The following NTRK2 variants were observed in gnomAD, a reference collection of about 807,000 sequenced individuals.
The protein encoded by NTRK2 is neurotrophic receptor tyrosine kinase 2, also known as BDNF/NT-3 growth factors receptor.
In NTRK2, 13 loss-of-function variants were observed where a neutral mutation model predicts 94.5. That is an observed-to-expected ratio of 0.14 (90% confidence interval 0.09 to 0.22). NTRK2 has a LOEUF of 0.22. Ranked by LOEUF, NTRK2 falls within the 10% of genes least tolerant of loss-of-function variation. The probability of loss-of-function intolerance (pLI) is 1.00; values close to 1 mark genes in which losing one functional copy is unlikely to be tolerated. For synonymous variants in NTRK2, 372 were observed against 407.4 expected (o/e 0.91, Z 1.05); for missense variants, 639 against 1,071.2 (o/e 0.60, Z 5.63).
At chr9:84,923,437 C>A (rs997031342) in intron 14 of NTRK2, among the ~76,000 whole-genome samples, 2 of 152,168 alleles carry the variant, frequency 1.3e-5, no homozygotes, top group Non-Finnish European at 2.9e-5. Flanking sequence ...AGAGAAGATA[C>A]TCCATATGTT....
intron 14 of NTRK2, among the ~76,000 whole-genome samples, chr9:84,870,361 ATAT>A (rs1313443498): frequency 1.5e-5 from 2 of 132,158 alleles, no homozygotes; most frequent in Non-Finnish European, 3.3e-5. Flanking sequence ...ATATATATAT[ATAT>A]AAAACTCTGT....
At chr9:84,820,581 A>G (rs2072742717) in intron 12 of NTRK2, among the ~76,000 whole-genome samples, 1 of 152,062 alleles carries the variant, frequency 6.6e-6, no homozygotes, top group African/African-American at 2.4e-5. Flanking sequence ...CTTTTCGTTA[A>G]TTTTTTCAAT....
intron 12 of NTRK2, among the ~76,000 whole-genome samples, chr9:84,795,355 G>A (rs2069184040): frequency 6.6e-6 from 1 of 152,052 alleles, no homozygotes; most frequent in South Asian, 2.1e-4. Context: ...ATCCCAACAC[G>A]CCCAGGGACA....
At chr9:84,733,617 A>G (rs756601039) in intron 9 of NTRK2, among the ~76,000 whole-genome samples, 28 of 152,170 alleles carry the variant, frequency 1.8e-4, no homozygotes, top group Non-Finnish European at 3.4e-4. Context: ...CAACCATAAA[A>G]TATAAAAGGT....
intron 15 of NTRK2, among the ~76,000 whole-genome samples, chr9:84,938,552 T>C (rs1399768582): frequency 2.0e-5 from 3 of 152,148 alleles, no homozygotes; most frequent in Non-Finnish European, 4.4e-5. Flanking sequence ...ATTATATATA[T>C]ATATTTCTGG....
chr9:84,931,999 TA>T (rs1303588995), intron 14 of NTRK2, among the ~76,000 whole-genome samples: 1 of 152,202 alleles, frequency 6.6e-6, no homozygotes, highest in Non-Finnish European at 1.5e-5. Flanking sequence ...TTGTTGCTCA[TA>T]AAAAGACCTT....
intron 17 of NTRK2, among the ~76,000 whole-genome samples, chr9:85,012,465 C>T (rs1004578472): frequency 1.3e-4 from 20 of 152,132 alleles, no homozygotes; most frequent in African/African-American, 4.6e-4. Context: ...TAAAGCAAGT[C>T]CTCCCCTCCT....
chr9:84,670,465 C>A lies in NTRK2; in HGVS notation c.-284C>A, dbSNP rs1362347183. The A allele has an allele frequency of 6.1e-6, 3 of 493,486 alleles. No homozygotes were observed. Among genetic ancestry groups the A allele is most frequent in the Non-Finnish European group, 1.1e-5 (3 of 272,680 alleles). The allele number at this position is 493,486 out of a possible 1,614,324, so 30.6% of individuals were successfully genotyped here. A position where few individuals can be genotyped will look rare whatever the true frequency, so the allele number is the denominator to read the frequency against. On this transcript the variant is annotated 5_prime_UTR_variant, in exon 2 of 19. Coordinates refer to ENST00000277120, the MANE Select transcript of NTRK2 (RefSeq NM_006180.6). ...GGGAGCGCCGCCGGTCGGTGCCCGG[C>A]GCGCCGGGCCATGCAGCGACGGCCG...
At chr9:84,734,815 C>T (rs892618849) in intron 9 of NTRK2, among the ~76,000 whole-genome samples, 2 of 152,168 alleles carry the variant, frequency 1.3e-5, no homozygotes, top group African/African-American at 4.8e-5. Context: ...ATTACCCAGT[C>T]CTGCGTATGT....
At chr9:84,903,300 C>T (rs1205115344) in intron 14 of NTRK2, among the ~76,000 whole-genome samples, 1 of 152,138 alleles carries the variant, frequency 6.6e-6, no homozygotes, top group African/African-American at 2.4e-5. Flanking sequence ...CCAGGTAAAG[C>T]TTTTCTGGAA....
At chr9:84,714,272 A>C (rs2061580583) in intron 6 of NTRK2, among the ~76,000 whole-genome samples, 1 of 152,126 alleles carries the variant, frequency 6.6e-6, no homozygotes. Flanking sequence ...CTACATCAGC[A>C]GGGAGTCCTG....
At chr9:84,878,391 T>C (rs970257553) in intron 14 of NTRK2, among the ~76,000 whole-genome samples, 8 of 151,910 alleles carry the variant, frequency 5.3e-5, no homozygotes, top group Non-Finnish European at 1.2e-4. Context: ...ATCCCAGCAC[T>C]TTGGGAGGCT....
At chr9:84,999,324 C>T (rs534816498) in intron 17 of NTRK2, among the ~76,000 whole-genome samples, 76 of 152,284 alleles carry the variant, frequency 5.0e-4, no homozygotes, top group Non-Finnish European at 9.4e-4. Context: ...GTTATAAAGC[C>T]TCTCTCTTTT....
chr9:84,908,563 G>C (rs946374990), intron 14 of NTRK2, among the ~76,000 whole-genome samples: 1 of 152,164 alleles, frequency 6.6e-6, no homozygotes, highest in African/African-American at 2.4e-5. Flanking sequence ...TGTGTTAACA[G>C]TGCACAATAC....
At chr9:84,730,057 T>G (rs1461081173) in intron 9 of NTRK2, among the ~76,000 whole-genome samples, 1 of 152,240 alleles carries the variant, frequency 6.6e-6, no homozygotes, top group Non-Finnish European at 1.5e-5. Flanking sequence ...GAAATAATTA[T>G]TTATAAAAAA....
intron 14 of NTRK2, among the ~76,000 whole-genome samples, chr9:84,912,006 C>G (rs911428843): frequency 6.6e-6 from 1 of 151,894 alleles, no homozygotes; most frequent in South Asian, 2.1e-4. Flanking sequence ...CCTATTTGAC[C>G]CAAGGATTAT....
Position 85,021,525 on chromosome 9 carries a change from C to A in NTRK2, c.*88C>A. On this transcript the variant is annotated 3_prime_UTR_variant, in exon 19 of 19. Transcript: ENST00000277120. ...TCTTTTAACTGCCGCTGGAGGCCAC[C>A]AAGCTGCTCTCCTTCACTCTGACAG... The A allele has an allele frequency of 3.1e-6, 4 of 1,291,046 alleles. No individual in the cohort carries two copies. Among genetic ancestry groups the A allele is most frequent in the South Asian group, 1.2e-5 (1 of 83,594 alleles). The allele number at this position is 1,291,046 out of a possible 1,614,324, so 80.0% of individuals were successfully genotyped here.
rs571891598 is a variant in NTRK2 at position 84,971,656 on chromosome 9, G to A, written c.2172+16139G>A. On this transcript the variant is annotated intron_variant, in intron 17 of 18. Transcript: ENST00000277120. ...TTGCCAGCCATGCTGAGGATTTTTT[G>A]TGATCATAAAAGCAATGAGATGCCA... Among the ~76,000 whole-genome samples the A allele has an allele frequency of 4.6e-5, 7 of 152,306 alleles. No homozygotes were observed. The South Asian group carries it at 1.2e-3, about 27-fold the overall frequency.
intron 14 of NTRK2, among the ~76,000 whole-genome samples, chr9:84,913,691 T>C (rs2077311215): frequency 1.3e-5 from 2 of 152,104 alleles, no homozygotes; most frequent in Admixed American, 1.3e-4. Context: ...GTTATTTCTC[T>C]CTTACTGCTT....
Sources: allele counts gnomAD v4.1 joint callset (sites outside exome capture counted in the v4.1 genomes callset), GRCh38; gene constraint gnomAD v4.1.1; transcripts MANE v1.5; gene names NCBI Gene and HGNC (gene_info 2026-07-23, HGNC 2026-07-21).